UQCRC2: variants seen among roughly 807,000 people sequenced by gnomAD.
UQCRC2 encodes cytochrome b-c1 complex subunit 2, mitochondrial.
Under a neutral mutation model 55.6 loss-of-function variants are expected in UQCRC2, and 49 were observed. The ratio of observed to expected loss-of-function variants is 0.88; its 90% CI spans 0.70 to 1.12. The LOEUF (loss-of-function observed/expected upper bound fraction) is 1.12, where lower values mean the gene tolerates loss of function less well. UQCRC2 is among the 50% of genes most tolerant of loss of function. The pLI, the probability that UQCRC2 is intolerant of heterozygous loss-of-function variation, is 0.00. For missense variants in UQCRC2, 506 were observed against 547.8 expected, an observed-to-expected ratio of 0.92 and a Z score of 0.76; for synonymous variants, 193 against 192.0, an observed-to-expected ratio of 1.01 and a Z score of -0.04.
intron 11 of UQCRC2, among the ~76,000 whole-genome samples, chr16:21,975,924 A>G (rs1898573366): frequency 6.6e-6 from 1 of 152,140 alleles, no homozygotes; most frequent in South Asian, 2.1e-4. Flanking sequence ...CAGGCCTGGT[A>G]GCATGCACCT....
At chr16:21,982,990 C>A in intron 13 of UQCRC2, 98 bp from the exon 14 acceptor site, 1 of 936,202 alleles carries the variant, frequency 1.1e-6, no homozygotes, top group Non-Finnish European at 1.6e-6. Flanking sequence ...AAAAGAATGT[C>A]CTATCCATAA....
intron 10 of UQCRC2, 125 bp from the exon 11 acceptor site, chr16:21,973,770 TA>T: frequency 1.3e-6 from 1 of 761,942 alleles, no homozygotes; most frequent in Non-Finnish European, 2.2e-6. Context: ...CAGAACTGGC[TA>T]AGTAAAATAT....
chr16:21,983,051 T>C (rs576965308), intron 13 of UQCRC2, 37 bp from the exon 14 acceptor site: 3 of 1,593,400 alleles, frequency 1.9e-6, no homozygotes, highest in African/African-American at 2.7e-5. Context: ...TATATTTTTA[T>C]TTTTGTTAAT....
chr16:21,962,728 G>T lies in UQCRC2; in HGVS notation c.390-33G>T, dbSNP rs761207542. 5 of 1,612,694 alleles carry T rather than the reference G, an allele frequency of 3.1e-6. No individual in the cohort carries two copies. The Admixed American group carries it at 6.7e-5, about 22-fold the overall frequency. On this transcript the variant is annotated intron_variant, in intron 5 of 13. Coordinates refer to ENST00000268379, the MANE Select transcript of UQCRC2 (RefSeq NM_003366.4). ...TCTCAAATGTTGGCTTTACATTTTT[G>T]ACTCATAATTCTTATCTCGATGTCT...
At chr16:21,971,408 T>A in intron 8 of UQCRC2, 117 bp from the exon 9 acceptor site, 2 of 810,308 alleles carry the variant, frequency 2.5e-6, no homozygotes, top group Non-Finnish European at 3.9e-6. Context: ...GGAAGACTCT[T>A]ATTTATTTTG....
At chr16:21,959,733 T>C (rs941838594) in intron 4 of UQCRC2, 1 of 152,260 alleles carries the variant, frequency 6.6e-6, no homozygotes. Context: ...CCTTACAAAA[T>C]GTATTTCTTA....
At chr16:21,966,380 C>A (rs1273545319) in intron 7 of UQCRC2, among the ~76,000 whole-genome samples, 1 of 151,982 alleles carries the variant, frequency 6.6e-6, no homozygotes, top group African/African-American at 2.4e-5. Flanking sequence ...AACTTTGTTT[C>A]CAAAACATGA....
At chr16:21,972,810 T>C (rs969063343) in intron 10 of UQCRC2, among the ~76,000 whole-genome samples, 6 of 150,274 alleles carry the variant, frequency 4.0e-5, no homozygotes, top group Non-Finnish European at 8.9e-5. Flanking sequence ...ATTAAAGAAA[T>C]TGAAGTCCAG....
At chr16:21,968,729 A>G (rs775234681) in intron 8 of UQCRC2, 44 bp downstream of exon 8, 1 of 1,562,750 alleles carries the variant, frequency 6.4e-7, no homozygotes, top group Non-Finnish European at 8.7e-7. Flanking sequence ...CTTCCTTAAG[A>G]GCAGTTCCTT....
At chr16:21,964,322 T>C (rs1045225330) in intron 6 of UQCRC2, among the ~76,000 whole-genome samples, 18 of 152,206 alleles carry the variant, frequency 1.2e-4, no homozygotes, top group African/African-American at 3.6e-4. Flanking sequence ...GAACAGTTAC[T>C]GTGTAGTCTC....
intron 6 of UQCRC2, among the ~76,000 whole-genome samples, chr16:21,964,751 A>G (rs1454954580): frequency 2.0e-5 from 3 of 152,168 alleles, no homozygotes; most frequent in African/African-American, 7.2e-5. Context: ...TTGCACCCAT[A>G]ATACTTTATT....
At chr16:21,956,447 G>A (rs952324785) in intron 1 of UQCRC2, among the ~76,000 whole-genome samples, 1 of 152,146 alleles carries the variant, frequency 6.6e-6, no homozygotes, top group Non-Finnish European at 1.5e-5. Context: ...GGGAGGCTGA[G>A]ACAGGAGAAT....
At chr16:21,975,191 G>T (rs958494853) in intron 11 of UQCRC2, among the ~76,000 whole-genome samples, 1 of 152,160 alleles carries the variant, frequency 6.6e-6, no homozygotes, top group Non-Finnish European at 1.5e-5. Context: ...AAGGGAGTTG[G>T]GAGCATTGGC....
chr16:21,966,650 A>C (rs1002308605), intron 7 of UQCRC2, among the ~76,000 whole-genome samples: 15 of 152,234 alleles, frequency 9.9e-5, no homozygotes, highest in Non-Finnish European at 1.5e-4. Flanking sequence ...CCTTTCATTC[A>C]TATGGCACTT....
intron 3 of UQCRC2, among the ~76,000 whole-genome samples, chr16:21,958,332 G>C (rs1389673436): frequency 6.6e-6 from 1 of 152,128 alleles, no homozygotes; most frequent in Non-Finnish European, 1.5e-5. Flanking sequence ...TTTGACAGTG[G>C]AAATTTTACA....
chr16:21,953,513 A>T, intron 1 of UQCRC2, 57 bp downstream of exon 1: 1 of 1,595,874 alleles, frequency 6.3e-7, no homozygotes, highest in Non-Finnish European at 8.5e-7. Flanking sequence ...CGACAAGGTG[A>T]TACGAGGCGG....
Position 21,983,086 on chromosome 16 carries a change from A to C in UQCRC2, c.1279-2A>C. Reference sequence around the variant, plus strand: ...TTTTGTCTTTTGTTTGTTTCTTTAAAGGCGGCAAAGAAGTTTGTTTCTGGC... The same window carrying C: ...TTTTGTCTTTTGTTTGTTTCTTTAACGGCGGCAAAGAAGTTTGTTTCTGGC... On this transcript the variant is annotated splice_acceptor_variant, in intron 13 of 13. Transcript: ENST00000268379. LOFTEE classifies it high-confidence loss of function. 1 of 1,612,742 alleles carries C rather than the reference A, an allele frequency of 6.2e-7. No homozygotes were observed. The highest frequency in any genetic ancestry group is 8.5e-7 in the Non-Finnish European group (1 of 1,179,704).
At chr16:21,982,991 C>A in intron 13 of UQCRC2, 97 bp from the exon 14 acceptor site, 5 of 950,510 alleles carry the variant, frequency 5.3e-6, no homozygotes, top group Non-Finnish European at 7.8e-6. Flanking sequence ...AAAGAATGTC[C>A]TATCCATAAA....
At chr16:21,969,885 T>TA (rs1220197371) in intron 8 of UQCRC2, among the ~76,000 whole-genome samples, 1 of 151,722 alleles carries the variant, frequency 6.6e-6, no homozygotes, top group Non-Finnish European at 1.5e-5. Flanking sequence ...TTTTTTTTTT[T>TA]AAAGAGATGG....
Sources: allele counts gnomAD v4.1 joint callset (sites outside exome capture counted in the v4.1 genomes callset), GRCh38; gene constraint gnomAD v4.1.1; transcripts MANE v1.5; gene names NCBI Gene and HGNC (gene_info 2026-07-23, HGNC 2026-07-21).